The following PPARGC1A variants were observed in gnomAD, a reference collection of about 807,000 sequenced individuals.
PPARGC1A encodes the protein PPARG coactivator 1 alpha, also known as peroxisome proliferator-activated receptor gamma coactivator 1-alpha.
Under a neutral mutation model 88.7 loss-of-function variants are expected in PPARGC1A, and 25 were observed. The ratio of observed to expected loss-of-function variants is 0.28; its 90% CI spans 0.21 to 0.39. PPARGC1A has a LOEUF of 0.39. Ranked by LOEUF, PPARGC1A falls within the 10% of genes least tolerant of loss-of-function variation. The pLI is 1.00. For missense variants in PPARGC1A, 880 were observed against 968.7 expected, an observed-to-expected ratio of 0.91 and a Z score of 1.22; for synonymous variants, 363 against 355.6, an observed-to-expected ratio of 1.02 and a Z score of -0.24.
intron 5 of PPARGC1A, 34 bp from the exon 6 acceptor site, chr4:23,824,542 A>T (rs756892110): frequency 6.6e-7 from 1 of 1,523,076 alleles, no homozygotes; most frequent in Non-Finnish European, 9.0e-7. Context: ...ATTATGTAAT[A>T]TTGAGTGTCT....
the PPARGC1A span, among the ~76,000 whole-genome samples, chr4:23,978,593 A>G: frequency 6.6e-6 from 1 of 152,186 alleles, no homozygotes; most frequent in Non-Finnish European, 1.5e-5. Context: ...ACCCTATTTG[A>G]TAAACTCAAA....
the PPARGC1A span, among the ~76,000 whole-genome samples, chr4:24,249,341 A>G: frequency 4.6e-5 from 7 of 152,102 alleles, no homozygotes; most frequent in Non-Finnish European, 1.0e-4. Context: ...ACAATCTAAA[A>G]CCAGAAGGTT....
intron 12 of PPARGC1A, among the ~76,000 whole-genome samples, chr4:23,798,864 C>G (rs953976829): frequency 6.6e-6 from 1 of 152,136 alleles, no homozygotes; most frequent in African/African-American, 2.4e-5. Context: ...TAATCTCTCA[C>G]TCTCATTTAT....
At chr4:23,837,469 T>C (rs533077417) in intron 2 of PPARGC1A, among the ~76,000 whole-genome samples, 1 of 151,978 alleles carries the variant, frequency 6.6e-6, no homozygotes, top group East Asian at 1.9e-4. Context: ...TATATTCCCA[T>C]CAACTTGATT....
the PPARGC1A span, among the ~76,000 whole-genome samples, chr4:24,256,931 G>T: frequency 6.6e-6 from 1 of 152,286 alleles, no homozygotes; most frequent in East Asian, 1.9e-4. Context: ...GAGGGGTAAA[G>T]AGTTTTGGAA....
At chr4:24,253,990 CAAACACTGATTT>C in the PPARGC1A span, among the ~76,000 whole-genome samples, 2 of 152,276 alleles carry the variant, frequency 1.3e-5, no homozygotes, top group Middle Eastern at 6.8e-3. Context: ...TACTATCTGC[CAAACACTGATTT>C]AATAATATTA....
the PPARGC1A span, among the ~76,000 whole-genome samples, chr4:24,197,490 G>T: frequency 2.0e-5 from 3 of 152,066 alleles, no homozygotes; most frequent in African/African-American, 4.8e-5. Context: ...TCCCACCTTG[G>T]TGCTCACACC....
the PPARGC1A span, among the ~76,000 whole-genome samples, chr4:23,918,652 C>G: frequency 2.0e-5 from 3 of 152,104 alleles, no homozygotes; most frequent in Non-Finnish European, 2.9e-5. Flanking sequence ...AAAATATAAA[C>G]CCATTGCTCT....
At chr4:24,225,113 C>T in the PPARGC1A span, among the ~76,000 whole-genome samples, 1 of 152,120 alleles carries the variant, frequency 6.6e-6, no homozygotes, top group Non-Finnish European at 1.5e-5. Context: ...CCTGAAGGGT[C>T]TTGAGCTGAA....
At chr4:24,100,896 T>C in the PPARGC1A span, among the ~76,000 whole-genome samples, 1 of 152,214 alleles carries the variant, frequency 6.6e-6, no homozygotes, top group African/African-American at 2.4e-5. Flanking sequence ...GCCATAATTT[T>C]TTAAGGTTCT....
At chr4:23,860,542 G>A (rs547828197) in intron 2 of PPARGC1A, among the ~76,000 whole-genome samples, 1 of 152,130 alleles carries the variant, frequency 6.6e-6, no homozygotes, top group Non-Finnish European at 1.5e-5. Flanking sequence ...CTATGTGTTT[G>A]TAAATCAAAA....
At chr4:24,036,602 TAC>T in the PPARGC1A span, among the ~76,000 whole-genome samples, 3 of 148,172 alleles carry the variant, frequency 2.0e-5, no homozygotes, top group Non-Finnish European at 3.0e-5. Flanking sequence ...AGAAAAATCT[TAC>T]AGACTTTTTG....
the PPARGC1A span, among the ~76,000 whole-genome samples, chr4:24,234,399 G>A: frequency 6.6e-6 from 1 of 152,186 alleles, no homozygotes; most frequent in Admixed American, 6.5e-5. Context: ...TTCACTATCT[G>A]ATCACAGAAA....
chr4:24,290,015 G>A, the PPARGC1A span, among the ~76,000 whole-genome samples: 1 of 152,056 alleles, frequency 6.6e-6, no homozygotes, highest in Non-Finnish European at 1.5e-5. Flanking sequence ...GCTTGTGCAG[G>A]GGAACTCCCA....
At chr4:23,903,278 C>T (rs1719631965), upstream of PPARGC1A, among the ~76,000 whole-genome samples, 1 of 151,932 alleles carries the variant, frequency 6.6e-6, no homozygotes, top group Non-Finnish European at 1.5e-5. Flanking sequence ...GGTTCTTATC[C>T]CTAAAAGGAA....
the PPARGC1A span, among the ~76,000 whole-genome samples, chr4:24,419,352 AGTGTGTGTGTGTGT>A: frequency 3.6e-5 from 5 of 138,822 alleles, no homozygotes; most frequent in African/African-American, 1.1e-4. Context: ...CAAATCTTCA[AGTGTGTGTGTGTGT>A]GTGTGTGTGT....
At position 23,824,215 on chromosome 4, in the gene PPARGC1A, C is replaced by A; in HGVS notation, c.877+65G>T. The A allele has an allele frequency of 7.3e-6, 10 of 1,371,764 alleles. No individual in the cohort carries two copies. In the Admixed American group the frequency reaches 1.7e-4, roughly 23 times the overall value. The allele number at this position is 1,371,764 out of a possible 1,614,324, so 85.0% of individuals were successfully genotyped here. On this transcript the variant is annotated intron_variant, in intron 7 of 12. Transcript: ENST00000264867. ...CCACATAGACAGTACACTCTGTTATCTTATTACACACACACACATATACAG... is the reference window on the plus strand; with the variant it reads ...CCACATAGACAGTACACTCTGTTATATTATTACACACACACACATATACAG...
intron 2 of PPARGC1A, among the ~76,000 whole-genome samples, chr4:23,841,812 TTAGA>T (rs1400551517): frequency 6.6e-5 from 10 of 152,058 alleles, no homozygotes; most frequent in East Asian, 5.8e-4. Flanking sequence ...CATAGTTCTC[TTAGA>T]TAAATATTAC....
chr4:24,270,463 C>T, the PPARGC1A span, among the ~76,000 whole-genome samples: 115 of 152,074 alleles, frequency 7.6e-4, no homozygotes, highest in African/African-American at 2.4e-3. Flanking sequence ...TAGGGCACTA[C>T]TAATTTTATA....
Sources: gnomAD v4.1 joint callset for allele counts (sites outside exome capture counted in the v4.1 genomes callset) on GRCh38, gnomAD v4.1.1 for gene constraint, MANE v1.5 for transcripts, NCBI Gene and HGNC (gene_info 2026-07-23, HGNC 2026-07-21) for gene names.